The following CNTNAP2 variants were observed in gnomAD, a reference collection of about 807,000 sequenced individuals.
CNTNAP2 encodes the protein contactin-associated protein-like 2.
A neutral mutation model predicts 155.2 loss-of-function variants in CNTNAP2; 98 were observed. The ratio of observed to expected loss-of-function variants is 0.63; its 90% CI spans 0.54 to 0.75. CNTNAP2 has a LOEUF of 0.75. CNTNAP2 is among the 30% of genes least tolerant of loss of function. The pLI, the probability that CNTNAP2 is intolerant of heterozygous loss-of-function variation, is 0.00. For missense variants in CNTNAP2, 1,727 were observed against 1,688.1 expected (o/e 1.02, Z -0.40); for synonymous variants, 651 against 631.2 (o/e 1.03, Z -0.47).
chr7:147,670,176 T>C (rs193040387), intron 13 of CNTNAP2, among the ~76,000 whole-genome samples: 33 of 152,240 alleles, frequency 2.2e-4, no homozygotes, highest in Admixed American at 1.6e-3. Context: ...AATTCTGGAT[T>C]TTCTGTTTTC....
intron 10 of CNTNAP2, among the ~76,000 whole-genome samples, chr7:147,460,489 G>C (rs1563212832): frequency 6.6e-6 from 1 of 152,074 alleles, no homozygotes; most frequent in East Asian, 1.9e-4. Context: ...AACAGCTTTG[G>C]AAAGCTGTTT....
chr7:147,114,770 C>T (rs1800952437), intron 5 of CNTNAP2, among the ~76,000 whole-genome samples: 1 of 152,100 alleles, frequency 6.6e-6, no homozygotes, highest in Non-Finnish European at 1.5e-5. Context: ...TCCAGCTTGC[C>T]AGTCTGTGTC....
intron 9 of CNTNAP2, among the ~76,000 whole-genome samples, chr7:147,308,054 G>C (rs952195024): frequency 1.3e-5 from 2 of 152,176 alleles, no homozygotes; most frequent in South Asian, 4.1e-4. Flanking sequence ...GGAGGGGATT[G>C]AGGATTATCT....
chr7:147,326,620 C>T (rs1795464095), intron 9 of CNTNAP2, among the ~76,000 whole-genome samples: 2 of 152,234 alleles, frequency 1.3e-5, no homozygotes, highest in African/African-American at 4.8e-5. Flanking sequence ...GTTTCCACAG[C>T]AATGACACGA....
At chr7:146,793,228 G>A (rs1388924323) in intron 2 of CNTNAP2, among the ~76,000 whole-genome samples, 17 of 151,926 alleles carry the variant, frequency 1.1e-4, no homozygotes, top group Non-Finnish European at 8.8e-5. Context: ...TTAAACACTG[G>A]ACTCACATAG....
At chr7:146,224,571 C>A (rs1173250246) in intron 1 of CNTNAP2, among the ~76,000 whole-genome samples, 1 of 130,398 alleles carries the variant, frequency 7.7e-6, no homozygotes, top group East Asian at 2.3e-4. Flanking sequence ...CACGGGGAAA[C>A]CCCGTCTCTA....
chr7:146,198,711 T>G (rs994284882), intron 1 of CNTNAP2, among the ~76,000 whole-genome samples: 5 of 152,188 alleles, frequency 3.3e-5, no homozygotes, highest in Admixed American at 6.5e-5. Context: ...GAAATCCTTT[T>G]TCTTATATTC....
intron 13 of CNTNAP2, among the ~76,000 whole-genome samples, chr7:147,837,939 C>G (rs969817509): frequency 2.6e-5 from 4 of 152,172 alleles, no homozygotes; most frequent in African/African-American, 9.6e-5. Context: ...CTTCCAGGTG[C>G]ATGGTAGTTC....
At chr7:147,757,556 A>G (rs1797229855) in intron 13 of CNTNAP2, among the ~76,000 whole-genome samples, 1 of 152,134 alleles carries the variant, frequency 6.6e-6, no homozygotes, top group Admixed American at 6.6e-5. Flanking sequence ...TTCCATGTAA[A>G]TAAAATAAAA....
At chr7:146,612,169 C>G (rs1207138976) in intron 1 of CNTNAP2, among the ~76,000 whole-genome samples, 1 of 151,868 alleles carries the variant, frequency 6.6e-6, no homozygotes, top group East Asian at 1.9e-4. Context: ...TAGAATAATC[C>G]CTAGTAGATA....
At chr7:146,618,580 A>T (rs79010707) in intron 1 of CNTNAP2, among the ~76,000 whole-genome samples, 3,722 of 152,306 alleles carry the variant, frequency 0.024, 72 homozygotes, top group Non-Finnish European at 0.037. Flanking sequence ...CTAAAATTCA[A>T]TCCTAGGGTA....
chr7:147,070,660 T>C (rs1030267941), intron 4 of CNTNAP2, among the ~76,000 whole-genome samples: 1 of 152,204 alleles, frequency 6.6e-6, no homozygotes, highest in Non-Finnish European at 1.5e-5. Flanking sequence ...GAAAGAGTCA[T>C]ATAGCCTTGC....
intron 1 of CNTNAP2, among the ~76,000 whole-genome samples, chr7:146,573,470 C>A (rs1343436403): frequency 1.3e-5 from 2 of 151,948 alleles, no homozygotes; most frequent in African/African-American, 2.4e-5. Context: ...GGTGATTGGA[C>A]AAAGAACTCT....
intron 13 of CNTNAP2, among the ~76,000 whole-genome samples, chr7:147,655,576 T>C (rs1056345257): frequency 1.3e-5 from 2 of 152,214 alleles, no homozygotes; most frequent in Non-Finnish European, 2.9e-5. Flanking sequence ...TGAGCAGTAA[T>C]ATTTTGAAAG....
chr7:148,085,467 A>G (rs1803706129), intron 15 of CNTNAP2, among the ~76,000 whole-genome samples: 1 of 152,186 alleles, frequency 6.6e-6, no homozygotes. Context: ...ATATATACAT[A>G]CATATTACAT....
intron 13 of CNTNAP2, among the ~76,000 whole-genome samples, chr7:147,669,965 T>C (rs1795760969): frequency 6.6e-6 from 1 of 152,210 alleles, no homozygotes; most frequent in Non-Finnish European, 1.5e-5. Context: ...CTCTGTACTC[T>C]TCTAGAAATA....
At chr7:147,162,350 G>C (rs766092951) in intron 8 of CNTNAP2, among the ~76,000 whole-genome samples, 16 of 152,058 alleles carry the variant, frequency 1.1e-4, no homozygotes, top group Non-Finnish European at 1.5e-4. Context: ...GAATAATGTT[G>C]TACAGTACAA....
chr7:146,339,897 A>G (rs78744332), intron 1 of CNTNAP2, among the ~76,000 whole-genome samples: 18,899 of 152,116 alleles, frequency 0.12, 2,237 homozygotes, highest in African/African-American at 0.31. Flanking sequence ...ACAGCGGGGC[A>G]TGGTGGCTCA....
intron 1 of CNTNAP2, among the ~76,000 whole-genome samples, chr7:146,481,891 AC>A (rs760628695): frequency 2.6e-5 from 4 of 152,112 alleles, no homozygotes; most frequent in Non-Finnish European, 5.9e-5. Context: ...TGAAAACTTC[AC>A]CAAGAATTTA....
Sources: gnomAD v4.1 joint callset for allele counts (sites outside exome capture counted in the v4.1 genomes callset) on GRCh38, gnomAD v4.1.1 for gene constraint, MANE v1.5 for transcripts, NCBI Gene and HGNC (gene_info 2026-07-23, HGNC 2026-07-21) for gene names.